The following DESI2 variants were observed in gnomAD, a reference collection of about 807,000 sequenced individuals.
DESI2 encodes the protein deubiquitinase DESI2.
A neutral mutation model predicts 24.1 loss-of-function variants in DESI2; 10 were observed. That is an observed-to-expected ratio of 0.41 (90% CI 0.26 to 0.70). DESI2 has a LOEUF of 0.70. Ranked by LOEUF, DESI2 falls within the 30% of genes least tolerant of loss-of-function variation. DESI2 has a pLI of 0.29. For missense variants in DESI2, 122 were observed against 234.9 expected, an observed-to-expected ratio of 0.52 and a Z score of 3.14; for synonymous variants, 71 against 87.7, an observed-to-expected ratio of 0.81 and a Z score of 1.06.
intron 1 of DESI2, among the ~76,000 whole-genome samples, chr1:244,671,670 T>C (rs1676252009): frequency 6.6e-6 from 1 of 152,232 alleles, no homozygotes. Context: ...AATGAAGGCT[T>C]ATCCAGCAGA....
rs368791024 is a variant in DESI2, at chr1:244,686,580, C to G, written c.43-17C>G. ...AATGAACAGGTATTCTGAATCTTTTCTTTCTTTTTTTCTCAGTATTGGATG... is the reference window on the plus strand; with the variant it reads ...AATGAACAGGTATTCTGAATCTTTTGTTTCTTTTTTTCTCAGTATTGGATG... On this transcript the variant is annotated splice_polypyrimidine_tract_variant and intron_variant, in intron 1 of 4. Transcript: ENST00000302550. 4.8e-5 allele frequency: 74 copies of G among 1,555,208 alleles called. No homozygotes were observed. Among genetic ancestry groups the G allele is most frequent in the Non-Finnish European group, 6.4e-5 (72 of 1,127,468 alleles).
At chr1:244,684,554 G>T (rs559747394) in intron 1 of DESI2, among the ~76,000 whole-genome samples, 3 of 151,780 alleles carry the variant, frequency 2.0e-5, no homozygotes, top group African/African-American at 4.8e-5. Flanking sequence ...ATTTTATGTG[G>T]TTTTTAAATA....
chr1:244,694,119 T>C (rs1677124706), intron 4 of DESI2, among the ~76,000 whole-genome samples: 1 of 152,240 alleles, frequency 6.6e-6, no homozygotes, highest in Admixed American at 6.5e-5. Context: ...ATATGTACTT[T>C]TCTGTTAAAT....
intron 1 of DESI2, among the ~76,000 whole-genome samples, chr1:244,654,700 T>C (rs1415867564): frequency 8.5e-5 from 13 of 152,228 alleles, no homozygotes; most frequent in Admixed American, 7.9e-4. Flanking sequence ...GTGTCACTGG[T>C]TGAGAAATAA....
chr1:244,668,393 G>T lies in DESI2; in HGVS notation c.42+15038G>T, dbSNP rs138526692. ...ACATCAAAGACAGTAATTAGCCCAC[G>T]ATCTCCACTAGTCACAACTGATATG... On this transcript the variant is annotated intron_variant, in intron 1 of 4. Transcript: ENST00000302550. 1.1e-3 allele frequency among the ~76,000 whole-genome samples: 171 copies of T among 152,228 alleles called. 3 individuals carry two copies. Among genetic ancestry groups the T allele is most frequent in the Middle Eastern group, 6.8e-3 (2 of 294 alleles).
intron 1 of DESI2, among the ~76,000 whole-genome samples, chr1:244,661,761 A>G (rs12068192): frequency 0.035 from 5,309 of 152,306 alleles, 305 homozygotes; most frequent in African/African-American, 0.12. Flanking sequence ...ATGGCTGCAT[A>G]GTATTCCATG....
intron 2 of DESI2, among the ~76,000 whole-genome samples, chr1:244,687,357 A>G (rs184580172): frequency 3.3e-5 from 5 of 152,316 alleles, no homozygotes; most frequent in Non-Finnish European, 5.9e-5. Context: ...GATGCAAGAT[A>G]ATCTACCCCT....
chr1:244,674,644 C>G (rs1676354980), intron 1 of DESI2, among the ~76,000 whole-genome samples: 1 of 152,178 alleles, frequency 6.6e-6, no homozygotes, highest in Non-Finnish European at 1.5e-5. Flanking sequence ...TTTCACCTGG[C>G]ATAATGTTTT....
chr1:244,708,702 A>C lies in DESI2; in HGVS notation c.*2913A>C, dbSNP rs1206196960. 3.9e-5 allele frequency: 6 copies of C among 152,586 alleles called. No homozygotes were observed. The allele number at this position is 152,586 out of a possible 1,614,324, so 9.5% of individuals were successfully genotyped here. On this transcript the variant is annotated 3_prime_UTR_variant, in exon 5 of 5. Coordinates refer to ENST00000302550, the MANE Select transcript of DESI2 (RefSeq NM_016076.5). Reference sequence around the variant, plus strand: ...ATATGCTGTATTTTCTTTCTTTAAAAGATTTAGATGTTTTTTCAGCAAGCT... The same window carrying C: ...ATATGCTGTATTTTCTTTCTTTAAACGATTTAGATGTTTTTTCAGCAAGCT...
intron 4 of DESI2, among the ~76,000 whole-genome samples, chr1:244,702,759 C>G (rs987878625): frequency 1.3e-5 from 2 of 152,124 alleles, no homozygotes; most frequent in African/African-American, 4.8e-5. Context: ...AAGCCACACC[C>G]TCAGGGGTTG....
Position 244,678,040 on chromosome 1 carries a change from G to A in DESI2, c.43-8557G>A, listed in dbSNP as rs76041953. ...AAATCATTTTCCTAGCAACTTGTGG[G>A]CTTTGTATAATCTTGAGCAGGAACA... On this transcript the variant is annotated intron_variant, in intron 1 of 4. Transcript: ENST00000302550. 3.6e-3 allele frequency among the ~76,000 whole-genome samples: 553 copies of A among 152,284 alleles called. 2 individuals are homozygous for A. Among genetic ancestry groups the A allele is most frequent in the African/African-American group, 0.013 (528 of 41,554 alleles).
chr1:244,669,087 G>C (rs1676146877), intron 1 of DESI2, among the ~76,000 whole-genome samples: 1 of 151,974 alleles, frequency 6.6e-6, no homozygotes, highest in Admixed American at 6.6e-5. Flanking sequence ...TGCAGGCTTT[G>C]ACCTCCCAAC....
At chr1:244,666,288 CTCTA>C (rs1164382169) in intron 1 of DESI2, among the ~76,000 whole-genome samples, 2 of 152,178 alleles carry the variant, frequency 1.3e-5, no homozygotes, top group African/African-American at 4.8e-5. Flanking sequence ...TTGTCCATGT[CTCTA>C]TCTGAGATGA....
chr1:244,659,406 T>C (rs1675760897), intron 1 of DESI2, among the ~76,000 whole-genome samples: 1 of 152,136 alleles, frequency 6.6e-6, no homozygotes. Flanking sequence ...GATCAAGGTG[T>C]TAGGCTCTGG....
intron 1 of DESI2, among the ~76,000 whole-genome samples, chr1:244,677,742 C>T (rs1184142266): frequency 6.6e-6 from 1 of 152,034 alleles, no homozygotes; most frequent in African/African-American, 2.4e-5. Context: ...TAGCGAGACC[C>T]TGCATCCACA....
chr1:244,682,330 A>C (rs932744579), intron 1 of DESI2, among the ~76,000 whole-genome samples: 2 of 152,188 alleles, frequency 1.3e-5, no homozygotes, highest in African/African-American at 4.8e-5. Flanking sequence ...TGGTGCATTT[A>C]CAATCCTCTA....
In DESI2 at chr1:244,708,708, A is replaced by T. The variant is rs1236055651; in HGVS notation, c.*2919A>T. The T allele has an allele frequency of 6.6e-6, 1 of 152,594 alleles. No individual in the cohort carries two copies. The highest frequency in any genetic ancestry group is 1.5e-5 in the Non-Finnish European group (1 of 68,042). 9.5% of individuals were successfully genotyped at this position (152,594 alleles called of 1,614,324 possible). A position where few individuals can be genotyped will look rare whatever the true frequency, so the allele number is the denominator to read the frequency against. ...TGTATTTTCTTTCTTTAAAAGATTT[A>T]GATGTTTTTTCAGCAAGCTAGCCAT... On this transcript the variant is annotated 3_prime_UTR_variant, in exon 5 of 5. Coordinates refer to ENST00000302550, the MANE Select transcript of DESI2 (RefSeq NM_016076.5).
intron 4 of DESI2, among the ~76,000 whole-genome samples, chr1:244,693,726 C>A (rs1185154050): frequency 6.6e-6 from 1 of 152,194 alleles, no homozygotes; most frequent in Non-Finnish European, 1.5e-5. Context: ...CCACGGCGCC[C>A]AGCCTAACGC....
chr1:244,666,075 TTCTC>T (rs1184097839), intron 1 of DESI2, among the ~76,000 whole-genome samples: 1 of 152,182 alleles, frequency 6.6e-6, no homozygotes, highest in African/African-American at 2.4e-5. Context: ...GCTTCCTTAT[TTCTC>T]TGGTCAGTTG....
Sources: gnomAD v4.1 joint callset for allele counts (sites outside exome capture counted in the v4.1 genomes callset) on GRCh38, gnomAD v4.1.1 for gene constraint, MANE v1.5 for transcripts, NCBI Gene and HGNC (gene_info 2026-07-23, HGNC 2026-07-21) for gene names.